Variants in NEGR1 observed in about 807,000 individuals in gnomAD.
NEGR1 encodes neuronal growth regulator 1, also known as IgLON family member 4.
In NEGR1, 10 loss-of-function variants were observed where a neutral mutation model predicts 40.9. The observed-to-expected ratio is 0.24, with a 90% confidence interval of 0.15 to 0.42. The LOEUF (loss-of-function observed/expected upper bound fraction) is 0.42, where lower values mean the gene tolerates loss of function less well. Ranked by LOEUF, NEGR1 falls within the 10% of genes least tolerant of loss-of-function variation. NEGR1 has a pLI of 1.00. For synonymous variants in NEGR1, 185 were observed against 166.8 expected (o/e 1.11, Z -0.84); for missense variants, 352 against 438.9 (o/e 0.80, Z 1.77).
chr1:71,933,408 C>T lies in NEGR1; in HGVS notation c.409+1671G>A, dbSNP rs539773914. On this transcript the variant is annotated intron_variant, in intron 2 of 6. Transcript: ENST00000357731. Reference sequence around the variant, plus strand: ...TTCTTCAGAAATATATCATTTAAACCTACAAGTTTAAAATGTACAAGCCAA... The same window carrying T: ...TTCTTCAGAAATATATCATTTAAACTTACAAGTTTAAAATGTACAAGCCAA... Among the ~76,000 whole-genome samples the T allele has an allele frequency of 2.7e-4, 41 of 152,016 alleles. 1 individual carries two copies. In the South Asian group the frequency reaches 6.9e-3, roughly 25 times the overall value.
At chr1:71,961,731 T>C (rs1352020919) in intron 1 of NEGR1, among the ~76,000 whole-genome samples, 2 of 152,136 alleles carry the variant, frequency 1.3e-5, no homozygotes, top group Non-Finnish European at 2.9e-5. Flanking sequence ...TTTCATCTTA[T>C]ACCTCTGTAA....
In NEGR1 at chr1:71,400,306, A is replaced by C. The variant is rs1470088652; in HGVS notation, c.*7140T>G. The C allele has an allele frequency of 6.6e-6, 1 of 152,160 alleles. No individual in the cohort carries two copies. Among genetic ancestry groups the C allele is most frequent in the Non-Finnish European group, 1.5e-5 (1 of 68,016 alleles). The allele number at this position is 152,160 out of a possible 1,614,324, so 9.4% of individuals were successfully genotyped here. A position where few individuals can be genotyped will look rare whatever the true frequency, so the allele number is the denominator to read the frequency against. ...AGGAGCAGAACACTCAGTTCTGGCT[A>C]TAGCTTCTTGCAATGTTTTTATCAT... On this transcript the variant is annotated 3_prime_UTR_variant, in exon 7 of 7. Coordinates refer to ENST00000357731, the MANE Select transcript of NEGR1 (RefSeq NM_173808.3).
chr1:71,602,484 CT>C (rs1317118382), intron 5 of NEGR1, among the ~76,000 whole-genome samples: 1 of 151,518 alleles, frequency 6.6e-6, no homozygotes, highest in Non-Finnish European at 1.5e-5. Context: ...ATCTCCTGAC[CT>C]CGTGATCCGC....
chr1:71,928,179 C>CACACATATGTGTATAT (rs1645804600), intron 2 of NEGR1, among the ~76,000 whole-genome samples: 2 of 122,892 alleles, frequency 1.6e-5, no homozygotes, highest in African/African-American at 3.4e-5. Context: ...TGTATATATA[C>CACACATATGTGTATAT]ACACATATGT....
At chr1:71,937,742 T>C (rs1645920538) in intron 1 of NEGR1, among the ~76,000 whole-genome samples, 1 of 152,196 alleles carries the variant, frequency 6.6e-6, no homozygotes, top group Admixed American at 6.5e-5. Flanking sequence ...AATTTCTTAT[T>C]TACTGAATGT....
rs1393212353 is a variant in NEGR1, at chr1:71,698,418, ACT to A, written c.536-281_536-280del. ...CCTAACCTCTTCACACATCAAATAG[ACT>A]CTGCACATTTCTGTAATTGAGTTCA... On this transcript the variant is annotated intron_variant, in intron 3 of 6. Transcript: ENST00000357731. Among the ~76,000 whole-genome samples, 7 of 151,984 alleles carry A rather than the reference ACT, an allele frequency of 4.6e-5. 1 individual carries two copies. The South Asian group carries it at 1.2e-3, about 27-fold the overall frequency.
intron 2 of NEGR1, among the ~76,000 whole-genome samples, chr1:71,819,705 T>G (rs186654517): frequency 4.6e-5 from 7 of 151,946 alleles, no homozygotes; most frequent in Non-Finnish European, 7.4e-5. Context: ...ATTCTAGAAA[T>G]AAATCAATGC....
intron 6 of NEGR1, among the ~76,000 whole-genome samples, chr1:71,535,216 A>G (rs1647476798): frequency 1.3e-5 from 2 of 151,762 alleles, no homozygotes; most frequent in Admixed American, 1.3e-4. Flanking sequence ...AGGCTTTTCT[A>G]TGTTCCGTAA....
At chr1:72,128,104 A>AT (rs1650101996) in intron 1 of NEGR1, among the ~76,000 whole-genome samples, 1 of 152,150 alleles carries the variant, frequency 6.6e-6, no homozygotes, top group Non-Finnish European at 1.5e-5. Flanking sequence ...AATTATCTGG[A>AT]TAAAAATCAT....
At chr1:71,912,402 G>A (rs1661442610) in intron 2 of NEGR1, among the ~76,000 whole-genome samples, 1 of 151,980 alleles carries the variant, frequency 6.6e-6, no homozygotes, top group South Asian at 2.1e-4. Flanking sequence ...GTTAATAAAG[G>A]ATCATGTCTC....
At chr1:71,945,363 ACTTT>A (rs1235761926) in intron 1 of NEGR1, among the ~76,000 whole-genome samples, 6 of 152,124 alleles carry the variant, frequency 3.9e-5, no homozygotes, top group Non-Finnish European at 5.9e-5. Context: ...CCTGTGGTTA[ACTTT>A]CTGTTTGAAA....
intron 4 of NEGR1, among the ~76,000 whole-genome samples, chr1:71,649,828 T>C (rs932885282): frequency 1.3e-5 from 2 of 152,142 alleles, no homozygotes; most frequent in Non-Finnish European, 2.9e-5. Flanking sequence ...TGCAGCTTCA[T>C]TCCTGTGTCT....
chr1:71,933,402 T>A (rs1045004813), intron 2 of NEGR1, among the ~76,000 whole-genome samples: 4 of 152,060 alleles, frequency 2.6e-5, no homozygotes, highest in African/African-American at 9.7e-5. Context: ...AATATATCAT[T>A]TAAACCTACA....
intron 2 of NEGR1, among the ~76,000 whole-genome samples, chr1:71,888,522 G>A (rs1660803871): frequency 6.6e-6 from 1 of 151,362 alleles, no homozygotes; most frequent in African/African-American, 2.4e-5. Context: ...CTTAAAAAAC[G>A]GCGCACCACG....
intron 4 of NEGR1, among the ~76,000 whole-genome samples, chr1:71,690,800 A>T (rs530098731): frequency 6.6e-6 from 1 of 151,828 alleles, no homozygotes; most frequent in South Asian, 2.1e-4. Flanking sequence ...TCATAGTCAA[A>T]CTCTATTATT....
intron 4 of NEGR1, among the ~76,000 whole-genome samples, chr1:71,693,918 T>C (rs1269098888): frequency 6.6e-6 from 1 of 151,772 alleles, no homozygotes; most frequent in Non-Finnish European, 1.5e-5. Context: ...TCTATATTAC[T>C]TGATTCATCA....
At chr1:71,766,754 C>T (rs753214839) in intron 3 of NEGR1, among the ~76,000 whole-genome samples, 1 of 152,128 alleles carries the variant, frequency 6.6e-6, no homozygotes, top group African/African-American at 2.4e-5. Context: ...GTGGACCTAG[C>T]GGGAGGTAAC....
intron 3 of NEGR1, among the ~76,000 whole-genome samples, chr1:71,739,536 C>A (rs986780718): frequency 4.6e-5 from 7 of 150,610 alleles, no homozygotes; most frequent in African/African-American, 7.3e-5. Context: ...AAAAAAAAAA[C>A]CCTCTTAAAT....
chr1:72,072,419 T>C (rs764945253), intron 1 of NEGR1, among the ~76,000 whole-genome samples: 2 of 152,118 alleles, frequency 1.3e-5, no homozygotes. Context: ...AAAATACTTA[T>C]GCTAATAAAA....
Sources: gnomAD v4.1 joint callset for allele counts (sites outside exome capture counted in the v4.1 genomes callset) on GRCh38, gnomAD v4.1.1 for gene constraint, MANE v1.5 for transcripts, NCBI Gene and HGNC (gene_info 2026-07-23, HGNC 2026-07-21) for gene names.